MYO5C: variants seen among roughly 807,000 people sequenced by gnomAD.
MYO5C encodes unconventional myosin-Vc.
In MYO5C, 194 loss-of-function variants were observed where a neutral mutation model predicts 235.7. The observed-to-expected ratio is 0.82, with a 90% CI of 0.73 to 0.93. The LOEUF (loss-of-function observed/expected upper bound fraction) is 0.93, where lower values mean the gene tolerates loss of function less well. MYO5C is among the 40% of genes least tolerant of loss of function. MYO5C has a pLI of 0.00. For missense variants in MYO5C, 2,038 were observed against 2,127.2 expected (o/e 0.96, Z 0.82); for synonymous variants, 707 against 754.8 (o/e 0.94, Z 1.04).
At chr15:52,291,729 A>ATTTTTTTT (rs1317823747) in intron 1 of MYO5C, among the ~76,000 whole-genome samples, 40 of 46,702 alleles carry the variant, frequency 8.6e-4, no homozygotes, top group Admixed American at 2.0e-3. Context: ...TGCATATTTT[A>ATTTTTTTT]TGTTTTTTTT....
intron 5 of MYO5C, 115 bp from the exon 6 acceptor site, chr15:52,272,838 C>T: frequency 9.7e-7 from 1 of 1,028,370 alleles, no homozygotes; most frequent in Non-Finnish European, 1.4e-6. Context: ...GTCTGATTGG[C>T]AGAGGGAAGT....
chr15:52,229,466 A>C (rs944775601), intron 24 of MYO5C, among the ~76,000 whole-genome samples, 153 bp from the exon 25 acceptor site: 1 of 152,108 alleles, frequency 6.6e-6, no homozygotes, highest in South Asian at 2.1e-4. Context: ...CCCACTAAAA[A>C]TACAAAAATT....
chr15:52,201,414 T>C (rs1795218940), intron 38 of MYO5C, among the ~76,000 whole-genome samples: 2 of 152,208 alleles, frequency 1.3e-5, no homozygotes, highest in African/African-American at 2.4e-5. Flanking sequence ...CAATCCAGAA[T>C]TCTACATCCT....
At chr15:52,255,649 T>C (rs915432182) in intron 11 of MYO5C, among the ~76,000 whole-genome samples, 8 of 152,250 alleles carry the variant, frequency 5.3e-5, no homozygotes, top group African/African-American at 1.7e-4. Flanking sequence ...TCAGTACTGT[T>C]GGGAATTCAA....
At chr15:52,267,437 G>T (rs1044625132) in intron 8 of MYO5C, among the ~76,000 whole-genome samples, 1 of 152,218 alleles carries the variant, frequency 6.6e-6, no homozygotes, top group Non-Finnish European at 1.5e-5. Flanking sequence ...TGTAATCCCA[G>T]CACTTTGGGA....
At chr15:52,230,560 A>T (rs8042218) in intron 24 of MYO5C, among the ~76,000 whole-genome samples, 27,746 of 150,644 alleles carry the variant, frequency 0.18, 4,696 homozygotes, top group East Asian at 0.63. Context: ...AAGGTGCCCA[A>T]CACCACACCC....
Position 52,205,011 on chromosome 15 carries a change from A to T in MYO5C, c.4674T>A (p.Phe1558Leu), listed in dbSNP as rs774587767. 3.7e-6 allele frequency: 6 copies of T among 1,614,056 alleles called. No homozygotes were observed. The African/African-American group carries it at 8.0e-5, about 22-fold the overall frequency. ...MTSVLQQLSY[F>L]YTTMCQNGLD... ...GGCCGTTCTGGCACATGGTGGTGTA[A>T]AAGTAGCTCAGCTGTTGCAGGACGG... The change falls in exon 38 of 41, where the codon TTT becomes TTA. Residue 1558 changes from phenylalanine (F) to leucine (L), a missense_variant. Physicochemically the swap from Phe to Leu is conservative, Grantham distance 22. Transcript: ENST00000261839.
At chr15:52,261,704 T>G (rs1206215194) in intron 9 of MYO5C, among the ~76,000 whole-genome samples, 1 of 152,104 alleles carries the variant, frequency 6.6e-6, no homozygotes, top group African/African-American at 2.4e-5. Context: ...AAATCTTGCT[T>G]CTCCCCCAAG....
At position 52,229,126 on chromosome 15, in the gene MYO5C, G is replaced by C. The variant is rs370409181; in HGVS notation, c.3207+7C>G. 1 of 1,613,894 alleles carries C rather than the reference G, an allele frequency of 6.2e-7. No individual in the cohort carries two copies. The highest frequency in any genetic ancestry group is 2.2e-5 in the East Asian group (1 of 44,878). ...GAGGGCGGGGCTGAACGTGAGAGCCGCTCTACCTTGACCTGCTTGCTCAGG... is the reference window on the plus strand; with the variant it reads ...GAGGGCGGGGCTGAACGTGAGAGCCCCTCTACCTTGACCTGCTTGCTCAGG... On this transcript the variant is annotated splice_region_variant and intron_variant, in intron 25 of 40. Transcript: ENST00000261839.
At chr15:52,247,195 T>C (rs566553493) in intron 15 of MYO5C, among the ~76,000 whole-genome samples, 181 bp from the exon 16 acceptor site, 2 of 152,350 alleles carry the variant, frequency 1.3e-5, no homozygotes, top group South Asian at 4.1e-4. Context: ...CCTACTGTTG[T>C]GGACAGAACA....
chr15:52,218,560 T>C lies in MYO5C; in HGVS notation c.3913A>G (p.Asn1305Asp). The C allele has an allele frequency of 1.2e-6, 2 of 1,614,258 alleles. No homozygotes were observed. The highest frequency in any genetic ancestry group is 1.7e-6 in the Non-Finnish European group (2 of 1,180,042). ...QFETESEVKC[N>D]FRQEASRLTL... is the part of the protein sequence containing the mutation. ...AGCCGGGATGCTTCCTGCCGGAAGTTACACTTGACTTCACTTTCAGTTTCA... is the reference window on the plus strand; with the variant it reads ...AGCCGGGATGCTTCCTGCCGGAAGTCACACTTGACTTCACTTTCAGTTTCA... Residue 1305 changes from asparagine to aspartate, a missense_variant, in exon 32 of 41, where the codon AAC becomes GAC. By Grantham distance (23) the Asn-to-Asp change is conservative (BLOSUM62 1). Coordinates refer to ENST00000261839, the MANE Select transcript of MYO5C (RefSeq NM_018728.4).
At chr15:52,287,856 A>G (rs1463158847) in intron 1 of MYO5C, among the ~76,000 whole-genome samples, 2 of 152,006 alleles carry the variant, frequency 1.3e-5, no homozygotes, top group African/African-American at 4.8e-5. Context: ...CATGCCTCTA[A>G]CCCCAGCTAC....
chr15:52,220,079 C>A (rs1173647167), intron 30 of MYO5C, among the ~76,000 whole-genome samples: 1 of 152,196 alleles, frequency 6.6e-6, no homozygotes, highest in Non-Finnish European at 1.5e-5. Flanking sequence ...TGTATTGGGC[C>A]TCCCTGAAAG....
In MYO5C at chr15:52,253,358, C is replaced by A; in HGVS notation, c.1495G>T (p.Ala499Ser). The A allele has an allele frequency of 6.2e-7, 1 of 1,612,246 alleles. No individual in the cohort carries two copies. Among genetic ancestry groups the A allele is most frequent in the Non-Finnish European group, 8.5e-7 (1 of 1,179,284 alleles). ...AGTAACTCCAGAATTCCCATTTTTG[C>A]TTCAATCAGGTCAATAACTGGTTGA... ...DNQPVIDLIE[A>S]KMGILELLDE... is the part of the protein sequence containing the mutation. The change falls in exon 12 of 41, where the codon GCA (alanine) becomes TCA (serine). Residue 499 changes from alanine (A) to serine (S), a missense_variant. By Grantham distance (99) the Ala-to-Ser change is moderately conservative. Coordinates refer to ENST00000261839, the MANE Select transcript of MYO5C (RefSeq NM_018728.4).
intron 36 of MYO5C, 116 bp downstream of exon 36, chr15:52,208,438 A>G: frequency 2.3e-6 from 2 of 881,296 alleles, no homozygotes; most frequent in Non-Finnish European, 1.8e-6. Context: ...AGTCCAACAG[A>G]TAATGTGCTG....
rs2036595357 is a variant in MYO5C, at chr15:52,256,775, TG to T, written c.1314-56del. ...TAACCTGAAGCAAGACATATGCATTTGTTTATAGATATTTTTTGACACTTAA... is the reference window on the plus strand; with the variant it reads ...TAACCTGAAGCAAGACATATGCATTTTTTATAGATATTTTTTGACACTTAA... On this transcript the variant is annotated intron_variant, in intron 10 of 40. Transcript: ENST00000261839. The T allele has an allele frequency of 1.4e-5, 19 of 1,345,918 alleles. No homozygotes were observed. The South Asian group carries it at 2.0e-4, about 14-fold the overall frequency. 83.4% of individuals were successfully genotyped at this position (1,345,918 alleles called of 1,614,324 possible). A position where few individuals can be genotyped will look rare whatever the true frequency, so the allele number is the denominator to read the frequency against.
chr15:52,197,411 A>G (rs1360399365), intron 38 of MYO5C, among the ~76,000 whole-genome samples: 2 of 152,202 alleles, frequency 1.3e-5, no homozygotes, highest in Non-Finnish European at 2.9e-5. Flanking sequence ...GATTTCATTT[A>G]TTTTTAAATG....
Position 52,251,418 on chromosome 15 carries a change from G to T in MYO5C, c.1634C>A (p.Ser545Tyr), listed in dbSNP as rs72734946. The T allele has an allele frequency of 0.012, 19,533 of 1,598,578 alleles. 164 individuals are homozygous for T. Among genetic ancestry groups the T allele is most frequent in the South Asian group, 0.017 (1,492 of 89,002 alleles). ...ATCAGCAAAGTGCTGGATGACAAAG[G>T]ATGTGTTTGACATTCTAGGCTTTTC... Reference protein sequence around the residue: ...LFEKPRMSNTSFVIQHFADKV... With the variant: ...LFEKPRMSNTYFVIQHFADKV... Residue 545 changes from serine to tyrosine, a missense_variant, in exon 13 of 41, where the codon TCC (serine) becomes TAC (tyrosine). Ser to Tyr is a moderately radical substitution (Grantham distance 144, BLOSUM62 -2). Transcript: ENST00000261839.
intron 5 of MYO5C, among the ~76,000 whole-genome samples, chr15:52,274,189 C>T (rs973611308): frequency 5.9e-5 from 9 of 152,274 alleles, no homozygotes; most frequent in Non-Finnish European, 8.8e-5. Flanking sequence ...GATACAGTCC[C>T]GCCTTCATGG....
Sources: gnomAD v4.1 joint callset for allele counts (sites outside exome capture counted in the v4.1 genomes callset) on GRCh38, gnomAD v4.1.1 for gene constraint, MANE v1.5 for transcripts, NCBI Gene and HGNC (gene_info 2026-07-23, HGNC 2026-07-21) for gene names.